Variants in GATA4 observed in about 807,000 individuals in gnomAD.
GATA4 encodes GATA binding protein 4, also known as transcription factor GATA-4.
Under a neutral mutation model 37.9 loss-of-function variants are expected in GATA4, and 7 were observed. The ratio of observed to expected loss-of-function variants is 0.18; its 90% CI spans 0.11 to 0.35. The LOEUF is 0.35. Among genes scored for constraint, GATA4 ranks in the 10% least tolerant of loss-of-function variants. The pLI, the probability that GATA4 is intolerant of heterozygous loss-of-function variation, is 1.00. For missense variants in GATA4, 647 were observed against 653.0 expected, an observed-to-expected ratio of 0.99 and a Z score of 0.10; for synonymous variants, 372 against 292.6, an observed-to-expected ratio of 1.27 and a Z score of -2.77.
At chr8:11,680,783 C>G (rs1039473712) in intron 1 of GATA4, 6 of 985,214 alleles carry the variant, frequency 6.1e-6, no homozygotes, top group Non-Finnish European at 7.2e-6. Context: ...GCGAGGTGCT[C>G]ACCCGCCCCT....
intron 2 of GATA4, among the ~76,000 whole-genome samples, chr8:11,746,083 C>T (rs1285591217): frequency 6.6e-6 from 1 of 152,098 alleles, no homozygotes; most frequent in Non-Finnish European, 1.5e-5. Context: ...AATTTGAGAC[C>T]AGCCTGGGCA....
chr8:11,748,228 AAAG>A (rs1745505738), intron 2 of GATA4, among the ~76,000 whole-genome samples: 1 of 152,012 alleles, frequency 6.6e-6, no homozygotes, highest in African/African-American at 2.4e-5. Flanking sequence ...CAAAAAGAGA[AAAG>A]AAGTCTCACA....
At chr8:11,730,289 T>C (rs1009347152) in intron 2 of GATA4, among the ~76,000 whole-genome samples, 1 of 152,180 alleles carries the variant, frequency 6.6e-6, no homozygotes, top group African/African-American at 2.4e-5. Flanking sequence ...GTGGTGTCCA[T>C]CTCAGAGGAG....
In GATA4 at chr8:11,758,727, G is replaced by C. The variant is rs1802735148; in HGVS notation, c.*252G>C. On this transcript the variant is annotated 3_prime_UTR_variant, in exon 7 of 7. Transcript: ENST00000532059. ...CGAGCACACTGCATCTCTCCTGTGAGTTGGAGACTTCTTTCCCAAGATGTC... is the reference window on the plus strand; with the variant it reads ...CGAGCACACTGCATCTCTCCTGTGACTTGGAGACTTCTTTCCCAAGATGTC... The C allele has an allele frequency of 3.7e-6, 2 of 545,194 alleles. No homozygotes were observed. Among genetic ancestry groups the C allele is most frequent in the South Asian group, 4.0e-5 (2 of 50,066 alleles). 33.8% of individuals were successfully genotyped at this position (545,194 alleles called of 1,614,324 possible).
chr8:11,685,372 A>G (rs1172500787), intron 1 of GATA4, among the ~76,000 whole-genome samples: 1 of 152,242 alleles, frequency 6.6e-6, no homozygotes, highest in Non-Finnish European at 1.5e-5. Flanking sequence ...TGTATTTCCA[A>G]ATGGACTATG....
intron 2 of GATA4, among the ~76,000 whole-genome samples, chr8:11,731,729 A>G (rs981408306): frequency 6.6e-6 from 1 of 152,244 alleles, no homozygotes; most frequent in African/African-American, 2.4e-5. Context: ...AAGATGGCTA[A>G]TTTTATATGT....
At chr8:11,744,155 A>G (rs188154890) in intron 2 of GATA4, among the ~76,000 whole-genome samples, 1 of 152,230 alleles carries the variant, frequency 6.6e-6, no homozygotes, top group African/African-American at 2.4e-5. Context: ...CAGATTCCCC[A>G]GTCTCCTAGC....
chr8:11,734,411 A>C (rs558021454), intron 2 of GATA4, among the ~76,000 whole-genome samples: 15 of 152,350 alleles, frequency 9.8e-5, no homozygotes, highest in African/African-American at 3.6e-4. Context: ...TGAGAGACCC[A>C]AGCCTGCTTT....
intron 2 of GATA4, among the ~76,000 whole-genome samples, chr8:11,714,794 T>C (rs1800364557): frequency 6.6e-6 from 1 of 152,196 alleles, no homozygotes; most frequent in Admixed American, 6.5e-5. Flanking sequence ...CTTTTCTAAC[T>C]TAAATGCACT....
At chr8:11,679,625 C>T (rs1339954229) in intron 1 of GATA4, among the ~76,000 whole-genome samples, 2 of 152,218 alleles carry the variant, frequency 1.3e-5, no homozygotes, top group South Asian at 2.1e-4. Flanking sequence ...CCCACCTGCC[C>T]GACCCCAGGG....
chr8:11,755,473 T>A (rs1032287951), intron 5 of GATA4, among the ~76,000 whole-genome samples: 2 of 152,196 alleles, frequency 1.3e-5, no homozygotes, highest in African/African-American at 4.8e-5. Flanking sequence ...ACCCAAAAGC[T>A]CAGTTCCTTT....
chr8:11,739,637 G>A (rs1309941580), intron 2 of GATA4, among the ~76,000 whole-genome samples: 1 of 151,246 alleles, frequency 6.6e-6, no homozygotes, highest in Non-Finnish European at 1.5e-5. Context: ...GCCGGAAGCC[G>A]AGCCCTGGGA....
upstream of GATA4, chr8:11,700,675 G>C (rs1333123484): frequency 6.6e-6 from 1 of 152,274 alleles, no homozygotes; most frequent in Non-Finnish European, 1.5e-5. Flanking sequence ...TGCAGGACTC[G>C]GCATTCGTTC....
intron 2 of GATA4, among the ~76,000 whole-genome samples, chr8:11,731,513 C>T (rs779255681): frequency 6.6e-6 from 1 of 152,192 alleles, no homozygotes; most frequent in Non-Finnish European, 1.5e-5. Context: ...TTCTGTGGGG[C>T]CCCCAGAGCC....
At chr8:11,730,232 G>A (rs1801139787) in intron 2 of GATA4, among the ~76,000 whole-genome samples, 1 of 152,168 alleles carries the variant, frequency 6.6e-6, no homozygotes, top group South Asian at 2.1e-4. Context: ...TGGTTTTGTG[G>A]GCTGGAGTAA....
upstream of GATA4, among the ~76,000 whole-genome samples, chr8:11,690,852 A>G (rs1415942780): frequency 6.6e-6 from 1 of 152,198 alleles, no homozygotes; most frequent in Non-Finnish European, 1.5e-5. Flanking sequence ...ACCTGGGTGA[A>G]AGGGAAACAC....
At chr8:11,698,795 A>T (rs1335130521) in intron 1 of GATA4, among the ~76,000 whole-genome samples, 1 of 151,874 alleles carries the variant, frequency 6.6e-6, no homozygotes, top group Non-Finnish European at 1.5e-5. Flanking sequence ...AGTCCCCAGG[A>T]CCTGGGGACC....
At chr8:11,725,702 C>T (rs546727822) in intron 2 of GATA4, among the ~76,000 whole-genome samples, 24 of 152,336 alleles carry the variant, frequency 1.6e-4, no homozygotes, top group Admixed American at 6.5e-4. Context: ...CAGGGAAGAG[C>T]GTGGACCCAG....
chr8:11,713,803 TGTG>T (rs1324733036), intron 2 of GATA4, among the ~76,000 whole-genome samples: 1 of 152,166 alleles, frequency 6.6e-6, no homozygotes, highest in Non-Finnish European at 1.5e-5. Flanking sequence ...TGGAAGCACT[TGTG>T]GTGGAGCTCT....
Sources: allele counts gnomAD v4.1 joint callset (sites outside exome capture counted in the v4.1 genomes callset), GRCh38; gene constraint gnomAD v4.1.1; transcripts MANE v1.5; gene names NCBI Gene and HGNC (gene_info 2026-07-23, HGNC 2026-07-21).